PNLDC1: variants seen among roughly 807,000 people sequenced by gnomAD.
The protein encoded by PNLDC1 is PARN like ribonuclease domain containing exonuclease 1.
A neutral mutation model predicts 82.0 loss-of-function variants in PNLDC1; 70 were observed. The ratio of observed to expected loss-of-function variants is 0.85; its 90% CI spans 0.70 to 1.04. The LOEUF is 1.04. Among genes scored for constraint, PNLDC1 ranks in the 50% least tolerant of loss-of-function variants. PNLDC1 has a pLI of 0.00. For synonymous variants in PNLDC1, 280 were observed against 249.3 expected, an observed-to-expected ratio of 1.12 and a Z score of -1.16; for missense variants, 631 against 661.1, an observed-to-expected ratio of 0.95 and a Z score of 0.50.
intron 7 of PNLDC1, among the ~76,000 whole-genome samples, chr6:159,807,228 GGT>G (rs1202217452): frequency 1.3e-5 from 2 of 152,070 alleles, no homozygotes; most frequent in African/African-American, 2.4e-5. Flanking sequence ...AGAACTGATT[GGT>G]TGCTTAGACT....
rs1310388496 is a variant in PNLDC1 at position 159,810,888 on chromosome 6, A to C, written c.853+793A>C. Among the ~76,000 whole-genome samples, 2 of 152,242 alleles carry C rather than the reference A, an allele frequency of 1.3e-5. 1 individual carries two copies. The highest frequency in any genetic ancestry group is 3.8e-4 in the East Asian group (2 of 5,202). On this transcript the variant is annotated intron_variant, in intron 10 of 18. Coordinates refer to ENST00000392167, the MANE Select transcript of PNLDC1 (RefSeq NM_001271862.2). ...TTGGAGAATTAGCAGTGAAATTAAT[A>C]ATACACATTCACCAAAAAACTAAGT...
At chr6:159,803,426 T>C in intron 4 of PNLDC1, 116 bp downstream of exon 4, 1 of 877,400 alleles carries the variant, frequency 1.1e-6, no homozygotes, top group Non-Finnish European at 1.8e-6. Context: ...TTCCGTATTC[T>C]CTCCTGTGTC....
At chr6:159,806,949 A>G (rs1032590887) in intron 7 of PNLDC1, among the ~76,000 whole-genome samples, 1 of 145,786 alleles carries the variant, frequency 6.9e-6, no homozygotes, top group African/African-American at 2.5e-5. Flanking sequence ...CTGGAGTGCA[A>G]TGGCACGATT....
At position 159,804,193 on chromosome 6, in the gene PNLDC1, C is replaced by T. The variant is rs1168658326; in HGVS notation, c.372+105C>T. On this transcript the variant is annotated intron_variant, in intron 5 of 18. Transcript: ENST00000392167. ...GTGCAGTGGTGCAATCTTCGCCTCC[C>T]GGGTTCAAGTGATTTTCCTGCTTCA... The T allele has an allele frequency of 1.9e-5, 26 of 1,346,954 alleles. No homozygotes were observed. The East Asian group carries it at 4.2e-4, about 22-fold the overall frequency. 83.4% of individuals were successfully genotyped at this position (1,346,954 alleles called of 1,614,324 possible). A position where few individuals can be genotyped will look rare whatever the true frequency, so the allele number is the denominator to read the frequency against.
chr6:159,815,908 G>C, intron 12 of PNLDC1, 61 bp from the exon 13 acceptor site: 1 of 1,274,476 alleles, frequency 7.8e-7, no homozygotes, highest in African/African-American at 1.5e-5. Context: ...GACTGAGGGG[G>C]AATACAAGAA....
Position 159,817,272 on chromosome 6 carries a change from T to A in PNLDC1, c.1157+121T>A. 3 of 942,470 alleles carry A rather than the reference T, an allele frequency of 3.2e-6. No individual in the cohort carries two copies. The South Asian group carries it at 4.1e-5, about 13-fold the overall frequency. 58.4% of individuals were successfully genotyped at this position (942,470 alleles called of 1,614,324 possible). ...ACCAAAGAAGGGAGAATGTGAGGTG[T>A]CACTGGTATAGAAATCTTGTCCCTG... On this transcript the variant is annotated intron_variant, in intron 15 of 18. Transcript: ENST00000392167.
At chr6:159,811,990 CCCTTGTTCAAG>C (rs1188388546) in intron 11 of PNLDC1, among the ~76,000 whole-genome samples, 1 of 152,062 alleles carries the variant, frequency 6.6e-6, no homozygotes, top group Admixed American at 6.6e-5. Context: ...ACCTTTGACT[CCCTTGTTCAAG>C]CGATTCTCCT....
In PNLDC1 at chr6:159,811,721, C is replaced by T. The variant is rs777844635; in HGVS notation, c.874C>T (p.Gln292Ter). The change falls in exon 11 of 19, where the codon CAG becomes TAG. Residue 292 changes from glutamine to a stop codon, truncating the protein, a stop_gained. Coordinates refer to ENST00000392167, the MANE Select transcript of PNLDC1 (RefSeq NM_001271862.2). LOFTEE classifies it high-confidence loss of function. ...PLPESYDQFK[Q>*]NIHSLFPVLI... ...CTCAGAAAGCTACGATCAATTTAAG[C>T]AGAATATCCACAGCCTATTTCCTGT... 2 of 1,613,564 alleles carry T rather than the reference C, an allele frequency of 1.2e-6. No individual in the cohort carries two copies. Among genetic ancestry groups the T allele is most frequent in the Middle Eastern group, 1.6e-4 (1 of 6,062 alleles).
chr6:159,810,870 A>G (rs571016101), intron 10 of PNLDC1, among the ~76,000 whole-genome samples: 2 of 152,378 alleles, frequency 1.3e-5, no homozygotes, highest in South Asian at 4.1e-4. Context: ...GAGTTGGAGA[A>G]TTAGCAGTGA....
chr6:159,800,035 G>A (rs75963839), upstream of PNLDC1, among the ~76,000 whole-genome samples: 1,983 of 152,288 alleles, frequency 0.013, 31 homozygotes, highest in African/African-American at 0.044. Context: ...ACATTCTCAC[G>A]TTAAGGGCTG....
intron 6 of PNLDC1, 127 bp downstream of exon 6, chr6:159,804,764 T>C (rs993042145): frequency 2.9e-5 from 19 of 656,696 alleles, no homozygotes; most frequent in Non-Finnish European, 4.5e-5. Context: ...TGGCTTCAGC[T>C]GCCTGTGCAG....
rs757897188 is a variant in PNLDC1 at position 159,818,931 on chromosome 6, C to A, written c.1258-15C>A. ...AGAACTGTGGAAAATCTCTTGTGTT[C>A]TGCATGTTTTCTAGAATTTTTCTGG... On this transcript the variant is annotated splice_polypyrimidine_tract_variant and intron_variant, in intron 16 of 18. Coordinates refer to ENST00000392167, the MANE Select transcript of PNLDC1 (RefSeq NM_001271862.2). The A allele has an allele frequency of 1.2e-6, 2 of 1,612,220 alleles. No homozygotes were observed. The highest frequency in any genetic ancestry group is 8.5e-7 in the Non-Finnish European group (1 of 1,178,822).
Position 159,800,304 on chromosome 6 carries a change from G to C in PNLDC1, c.-4G>C, listed in dbSNP as rs1423402863. ...GCTGGGCGACTCCGCGGAGCTGCAC[G>C]GCCATGGACGTGGGCGCCGACGAGT... On this transcript the variant is annotated 5_prime_UTR_variant, in exon 1 of 19. Coordinates refer to ENST00000392167, the MANE Select transcript of PNLDC1 (RefSeq NM_001271862.2). 4 of 1,545,782 alleles carry C rather than the reference G, an allele frequency of 2.6e-6. No individual in the cohort carries two copies. The Admixed American group carries it at 5.9e-5, about 23-fold the overall frequency.
intron 13 of PNLDC1, 84 bp downstream of exon 13, chr6:159,816,117 C>CCCACACACCTCCCCACCCACCCG (rs1781807253): frequency 9.7e-7 from 1 of 1,027,278 alleles, no homozygotes; most frequent in African/African-American, 1.9e-5. Flanking sequence ...CCCTGGTTCC[C>CCCACACACCTCCCCACCCACCCG]CCACACCCCT....
chr6:159,805,950 C>A, intron 6 of PNLDC1, 33 bp from the exon 7 acceptor site: 1 of 1,535,256 alleles, frequency 6.5e-7, no homozygotes, highest in South Asian at 1.1e-5. Flanking sequence ...GTGTTTTTCT[C>A]TGACATGTTC....
At chr6:159,805,891 AGAGGGTTCAGAAACTGCTCTCAT>A in intron 6 of PNLDC1, 69 bp from the exon 7 acceptor site, 1 of 901,046 alleles carries the variant, frequency 1.1e-6, no homozygotes, top group East Asian at 2.4e-5. Flanking sequence ...CATGAAAACC[AGAGGGTTCAGAAACTGCTCTCAT>A]GTTAACATAG....
chr6:159,800,176 G>A (rs1315839861), upstream of PNLDC1: 3 of 776,164 alleles, frequency 3.9e-6, no homozygotes, highest in African/African-American at 1.7e-5. Flanking sequence ...GGGAAGCTGG[G>A]CACGTGGGGC....
rs748268832 is a variant in PNLDC1 at position 159,810,011 on chromosome 6, A to G, written c.784-15A>G. 6 of 1,609,122 alleles carry G rather than the reference A, an allele frequency of 3.7e-6. No homozygotes were observed. The highest frequency in any genetic ancestry group is 4.5e-5 in the East Asian group (2 of 44,842). ...TTTTTTTATTTTCTCTCACCTGTTG[A>G]TTTACTCCAAGTAGCCCTTAGTGGG... On this transcript the variant is annotated splice_polypyrimidine_tract_variant and intron_variant, in intron 9 of 18. Coordinates refer to ENST00000392167, the MANE Select transcript of PNLDC1 (RefSeq NM_001271862.2).
intron 14 of PNLDC1, 66 bp downstream of exon 14, chr6:159,816,662 C>CAGAAA: frequency 7.3e-7 from 1 of 1,371,930 alleles, no homozygotes; most frequent in Non-Finnish European, 1.0e-6. Context: ...GACAGGGTCT[C>CAGAAA]ACTCTGTTGC....
Sources: allele counts gnomAD v4.1 joint callset (sites outside exome capture counted in the v4.1 genomes callset), GRCh38; gene constraint gnomAD v4.1.1; transcripts MANE v1.5; gene names NCBI Gene and HGNC (gene_info 2026-07-23, HGNC 2026-07-21).